ERAP1: variants seen among roughly 807,000 people sequenced by gnomAD.
The protein encoded by ERAP1 is endoplasmic reticulum aminopeptidase 1.
ERAP1 carries 86 observed loss-of-function variants against 103.7 expected under a neutral mutation model. The observed-to-expected ratio is 0.83, with a 90% CI of 0.70 to 0.99. ERAP1 has a LOEUF of 0.99. ERAP1 is among the 50% of genes least tolerant of loss of function. The pLI is 0.00. For synonymous variants in ERAP1, 398 were observed against 402.4 expected (o/e 0.99, Z 0.13); for missense variants, 1,009 against 1,128.4 (o/e 0.89, Z 1.52).
At chr5:96,854,957 T>G in the ERAP1 span, among the ~76,000 whole-genome samples, 6 of 152,230 alleles carry the variant, frequency 3.9e-5, no homozygotes, top group East Asian at 1.2e-3. Flanking sequence ...GCTTAACATA[T>G]AGAAAATCTA....
chr5:96,929,864 T>C, the ERAP1 span, among the ~76,000 whole-genome samples: 1 of 152,248 alleles, frequency 6.6e-6, no homozygotes, highest in Non-Finnish European at 1.5e-5. Context: ...CTTTCCTATA[T>C]AAGTGCCTTA....
chr5:96,889,380 T>C, the ERAP1 span: 4 of 1,517,518 alleles, frequency 2.6e-6, no homozygotes, highest in South Asian at 4.5e-5. Flanking sequence ...TCTTTCTCTT[T>C]CTATGTGATT....
intron 4 of ERAP1, among the ~76,000 whole-genome samples, chr5:96,796,299 G>C (rs75137947): frequency 6.6e-6 from 1 of 152,110 alleles, no homozygotes; most frequent in Non-Finnish European, 1.5e-5. Flanking sequence ...TCTGAGCTAC[G>C]GCACACAGTT....
At chr5:96,924,649 A>G in the ERAP1 span, among the ~76,000 whole-genome samples, 1 of 151,032 alleles carries the variant, frequency 6.6e-6, no homozygotes, top group African/African-American at 2.4e-5. Flanking sequence ...GCTGGGAGCG[A>G]TGCAATGGCG....
At chr5:96,903,362 A>G in the ERAP1 span, 17 of 1,595,358 alleles carry the variant, frequency 1.1e-5, no homozygotes, top group East Asian at 3.6e-4. Flanking sequence ...GCCTATGCCA[A>G]TCTTATCCTC....
chr5:96,792,080 T>C lies in ERAP1; in HGVS notation c.1301A>G (p.Asp434Gly), dbSNP rs1185602922. The change falls in exon 8 of 19, where the codon GAT (aspartate) becomes GGT (glycine). Residue 434 changes from aspartate (D) to glycine (G), a missense_variant. By Grantham distance (94) the Asp-to-Gly change is moderately conservative. This residue lies in a region of ERAP1 where 611 missense variants were observed against 651.7 expected (regional missense o/e 0.94). Coordinates refer to ENST00000443439, the MANE Select transcript of ERAP1 (RefSeq NM_001040458.3). The part of the protein sequence containing the change: ...ENPAQIREMF[D>G]DVSYDKGACI... ...TTTTACCTTATCATAAGAAACATCA[T>C]CAAACATCTCCCGGATCTGAGCAGG... 1 of 1,614,022 alleles carries C rather than the reference T, an allele frequency of 6.2e-7. No homozygotes were observed. Among genetic ancestry groups the C allele is most frequent in the Non-Finnish European group, 8.5e-7 (1 of 1,179,910 alleles).
At chr5:96,928,339 G>T in the ERAP1 span, among the ~76,000 whole-genome samples, 1 of 152,178 alleles carries the variant, frequency 6.6e-6, no homozygotes, top group East Asian at 1.9e-4. Context: ...TTCAGAATGT[G>T]ACCTTATTTG....
At chr5:96,912,818 T>C in the ERAP1 span, 1 of 1,572,724 alleles carries the variant, frequency 6.4e-7, no homozygotes, top group South Asian at 1.2e-5. Flanking sequence ...ATAATTTAAC[T>C]AAATTGTTAT....
the ERAP1 span, among the ~76,000 whole-genome samples, chr5:96,858,655 AT>A: frequency 6.6e-6 from 1 of 152,218 alleles, no homozygotes; most frequent in African/African-American, 2.4e-5. Flanking sequence ...ATTTGTCTTC[AT>A]TACTGAAGTT....
the ERAP1 span, chr5:96,892,285 T>A: frequency 2.5e-6 from 4 of 1,613,376 alleles, no homozygotes; most frequent in Non-Finnish European, 3.4e-6. Context: ...AGTATGGTTG[T>A]TCTTATTTCT....
At chr5:96,866,509 T>C in the ERAP1 span, among the ~76,000 whole-genome samples, 1 of 152,248 alleles carries the variant, frequency 6.6e-6, no homozygotes, top group East Asian at 1.9e-4. Flanking sequence ...ATTTAACATG[T>C]ATGCCCAACC....
chr5:96,842,019 C>A, the ERAP1 span, among the ~76,000 whole-genome samples: 1 of 152,126 alleles, frequency 6.6e-6, no homozygotes, highest in African/African-American at 2.4e-5. Context: ...CTCCCACTTA[C>A]AAGTGAGAAC....
At chr5:96,814,413 A>G in the ERAP1 span, 1 of 441,912 alleles carries the variant, frequency 2.3e-6, no homozygotes, top group South Asian at 1.6e-5. Flanking sequence ...CACATTGAAG[A>G]TATTTCTACT....
the ERAP1 span, chr5:96,935,763 G>A: frequency 9.6e-6 from 2 of 209,166 alleles, no homozygotes; most frequent in Non-Finnish European, 1.9e-5. Context: ...GGGTGTCTCG[G>A]CGTCCGGGAT....
intron 3 of ERAP1, among the ~76,000 whole-genome samples, chr5:96,798,143 G>A (rs1467767776): frequency 1.3e-5 from 2 of 151,976 alleles, no homozygotes; most frequent in African/African-American, 4.8e-5. Flanking sequence ...GGCTAACACG[G>A]TGGAACCCCA....
the ERAP1 span, among the ~76,000 whole-genome samples, chr5:96,865,361 C>A: frequency 3.3e-5 from 5 of 152,144 alleles, no homozygotes; most frequent in African/African-American, 1.2e-4. Flanking sequence ...AACCTGTTGG[C>A]CTTTGCTCCT....
the ERAP1 span, among the ~76,000 whole-genome samples, chr5:96,859,425 C>A: frequency 7.9e-5 from 12 of 152,196 alleles, no homozygotes; most frequent in African/African-American, 2.9e-4. Context: ...CTCAGGCTCC[C>A]AGACCGTTTG....
chr5:96,916,896 G>A, the ERAP1 span, among the ~76,000 whole-genome samples: 1 of 151,728 alleles, frequency 6.6e-6, no homozygotes, highest in Admixed American at 6.6e-5. Flanking sequence ...CTATGACTTG[G>A]GTAAATCATT....
At chr5:96,770,992 T>A (rs1772101711), downstream of ERAP1, among the ~76,000 whole-genome samples, 1 of 152,134 alleles carries the variant, frequency 6.6e-6, no homozygotes, top group Non-Finnish European at 1.5e-5. Flanking sequence ...CTAGGTCCCT[T>A]CCAATTCCAA....
Sources: allele counts gnomAD v4.1 joint callset (sites outside exome capture counted in the v4.1 genomes callset), GRCh38; gene constraint gnomAD v4.1.1; regional missense constraint gnomAD v4.1.1; transcripts MANE v1.5; gene names NCBI Gene and HGNC (gene_info 2026-07-23, HGNC 2026-07-21).